ORMDL3: variants seen among roughly 807,000 people sequenced by gnomAD.
The protein encoded by ORMDL3 is ORM1-like protein 3.
Under a neutral mutation model 12.6 loss-of-function variants are expected in ORMDL3, and 6 were observed. That is an observed-to-expected ratio of 0.48 (90% confidence interval 0.26 to 0.94). The LOEUF (loss-of-function observed/expected upper bound fraction) is 0.94. Ranked by LOEUF, ORMDL3 falls within the 40% of genes least tolerant of loss-of-function variation. ORMDL3 has a pLI of 0.14. For missense variants in ORMDL3, 159 were observed against 205.5 expected (o/e 0.77, Z 1.38); for synonymous variants, 99 against 87.2 (o/e 1.14, Z -0.75).
intron 2 of ORMDL3, among the ~76,000 whole-genome samples, chr17:39,923,680 G>A (rs976868351): frequency 3.9e-5 from 6 of 152,134 alleles, no homozygotes; most frequent in African/African-American, 1.2e-4. Context: ...CTTGAGAAAG[G>A]GGCATTTCTG....
intron 2 of ORMDL3, 90 bp downstream of exon 2, chr17:39,923,940 C>T: frequency 7.4e-7 from 1 of 1,349,320 alleles, no homozygotes; most frequent in Non-Finnish European, 9.9e-7. Flanking sequence ...TGGGCCAGGC[C>T]CGACAGGCTC....
intron 3 of ORMDL3, 70 bp from the exon 4 acceptor site, chr17:39,922,755 G>C: frequency 6.5e-7 from 1 of 1,541,258 alleles, no homozygotes; most frequent in Non-Finnish European, 8.8e-7. Context: ...CACTTCCTGG[G>C]AGGGGAAAGG....
intron 1 of ORMDL3, chr17:39,926,728 A>C (rs1978447447): frequency 1.1e-6 from 1 of 944,528 alleles, no homozygotes; most frequent in Non-Finnish European, 1.3e-6. Flanking sequence ...CCAGACACTC[A>C]AGCCAAGGCT....
intron 2 of ORMDL3, 36 bp downstream of exon 2, chr17:39,923,994 G>T: frequency 6.4e-7 from 1 of 1,554,108 alleles, no homozygotes; most frequent in South Asian, 1.2e-5. Context: ...ACAGGGCAGG[G>T]GCAGGGGCAG....
rs776006176 is a variant in ORMDL3, at chr17:39,924,053, G to C, written c.151C>G (p.Leu51Val). 5 of 1,610,324 alleles carry C rather than the reference G, an allele frequency of 3.1e-6. No individual in the cohort carries two copies. In the South Asian group the frequency reaches 4.4e-5, roughly 14 times the overall value. ...ACCATGTTGTGAATGAGGTTGGTGA[G>C]GGTCCAGACGACAGGGACACTCACA... is the stretch of plus-strand genomic sequence containing the variant. ...PFVSVPVVWT[L>V]TNLIHNMGMY... Residue 51 changes from leucine to valine, a missense_variant, in exon 2 of 4, where the codon CTC (leucine) becomes GTC (valine). Leu to Val is a conservative substitution (Grantham distance 32, BLOSUM62 1). Transcript: ENST00000304046.
rs952214033 is a variant in ORMDL3, at chr17:39,927,439, GC to G, written c.-23+44del. 2,885 of 981,782 alleles carry G rather than the reference GC, an allele frequency of 2.9e-3. 3 individuals carry two copies. The highest frequency in any genetic ancestry group is 3.3e-3 in the Non-Finnish European group (2,742 of 828,954). 60.8% of individuals were successfully genotyped at this position (981,782 alleles called of 1,614,324 possible). A position where few individuals can be genotyped will look rare whatever the true frequency, so the allele number is the denominator to read the frequency against. On this transcript the variant is annotated intron_variant, in intron 1 of 3. Coordinates refer to ENST00000304046, the MANE Select transcript of ORMDL3 (RefSeq NM_139280.4). ...CCCAGCAGCCCCCACCTTCTCTCCC[GC>G]CCCTCCCGTAGCCCTGGGGCCTCTT...
At chr17:39,923,716 G>A (rs1303458990) in intron 2 of ORMDL3, among the ~76,000 whole-genome samples, 3 of 152,116 alleles carry the variant, frequency 2.0e-5, no homozygotes, top group South Asian at 2.1e-4. Context: ...CAGGACTCTC[G>A]GGTCCTGGGA....
Position 39,923,129 on chromosome 17 carries a change from G to A in ORMDL3, c.309C>T (p.Thr103=). 2 of 1,614,210 alleles carry A rather than the reference G, an allele frequency of 1.2e-6. No homozygotes were observed. The highest frequency in any genetic ancestry group is 1.1e-5 in the South Asian group (1 of 91,084). The change falls in exon 3 of 4, where the codon ACC becomes ACT. Residue 103 remains threonine, a synonymous_variant. Transcript: ENST00000304046. The part of the protein sequence containing the change: ...VQFTASRKFL[T]ITPIVLYFLT... ...GCACTCACAGCACGATGGGTGTGAT[G>A]GTCAAGAACTTCCGAGAGGCCGTGA... is the stretch of plus-strand genomic sequence containing the variant.
intron 2 of ORMDL3, among the ~76,000 whole-genome samples, chr17:39,923,681 G>A (rs753202076): frequency 2.7e-4 from 41 of 152,128 alleles, no homozygotes; most frequent in Non-Finnish European, 5.3e-4. Flanking sequence ...TTGAGAAAGG[G>A]GCATTTCTGT....
chr17:39,927,165 C>T, intron 1 of ORMDL3: 1 of 287,742 alleles, frequency 3.5e-6, no homozygotes, highest in Non-Finnish European at 5.2e-6. Context: ...GAACCCGGTC[C>T]GGTCCGGGAC....
Position 39,923,273 on chromosome 17 carries a change from G to A in ORMDL3, c.175-10C>T, listed in dbSNP as rs1168721798. On this transcript the variant is annotated splice_polypyrimidine_tract_variant and intron_variant, in intron 2 of 3. Transcript: ENST00000304046. ...GGAAGATATACATGCCCTGGAGGAA[G>A]AAGTCTTTGTTAGAGGATACAAAAG... 1.2e-6 allele frequency: 2 copies of A among 1,614,034 alleles called. No individual in the cohort carries two copies. Among genetic ancestry groups the A allele is most frequent in the East Asian group, 2.2e-5 (1 of 44,892 alleles).
rs1978450882 is a variant in ORMDL3, at chr17:39,926,777, T to A, written c.-23+707A>T. On this transcript the variant is annotated intron_variant, in intron 1 of 3. Transcript: ENST00000304046. ...GCAGCCACCAGGTGAGCCCTTCCCA[T>A]TCCCTCCCCCAGGAAAGAGCAGCCC... The A allele has an allele frequency of 3.0e-6, 3 of 985,386 alleles. No individual in the cohort carries two copies. In the South Asian group the frequency reaches 1.4e-4, roughly 46 times the overall value. 61.0% of individuals were successfully genotyped at this position (985,386 alleles called of 1,614,324 possible).
rs1978303803 is a variant in ORMDL3 at position 39,922,538 on chromosome 17, G to A, written c.*12C>T. On this transcript the variant is annotated 3_prime_UTR_variant, in exon 4 of 4. Coordinates refer to ENST00000304046, the MANE Select transcript of ORMDL3 (RefSeq NM_139280.4). ...TCCCCTGCCACCCTGGGCAGGGGAA[G>A]GGGCTGCACTCTCAGTACTTATTGA... is the stretch of plus-strand genomic sequence containing the variant. The A allele has an allele frequency of 6.2e-7, 1 of 1,612,610 alleles. No homozygotes were observed. Among genetic ancestry groups the A allele is most frequent in the Admixed American group, 1.7e-5 (1 of 59,840 alleles).
At chr17:39,924,584 C>T (rs898597098) in intron 1 of ORMDL3, among the ~76,000 whole-genome samples, 3 of 152,156 alleles carry the variant, frequency 2.0e-5, no homozygotes, top group Non-Finnish European at 2.9e-5. Context: ...GCCGACAAAG[C>T]CCCAGGGAGA....
chr17:39,924,268 C>T, intron 1 of ORMDL3, 43 bp from the exon 2 acceptor site: 1 of 1,513,890 alleles, frequency 6.6e-7, no homozygotes, highest in Non-Finnish European at 8.9e-7. Context: ...CACTGCTTTC[C>T]CTGCCCCCTC....
chr17:39,926,915 C>T (rs1978459372), intron 1 of ORMDL3: 3 of 985,872 alleles, frequency 3.0e-6, no homozygotes, highest in Non-Finnish European at 2.4e-6. Context: ...GTCCATTCCG[C>T]CCACCCCCCA....
At chr17:39,927,021 C>T (rs554669347) in intron 1 of ORMDL3, 1 of 982,988 alleles carries the variant, frequency 1.0e-6, no homozygotes, top group Admixed American at 6.1e-5. Flanking sequence ...CCAGGCGAAC[C>T]CGCACTAAGC....
Position 39,922,494 on chromosome 17 carries a change from A to G in ORMDL3, c.*56T>C, listed in dbSNP as rs189127887. 1.0e-4 allele frequency: 159 copies of G among 1,566,610 alleles called. 1 individual carries two copies. The African/African-American group carries it at 1.9e-3, about 19-fold the overall frequency. ...CTTTCTGTCTTCAGTGTTGCAGCAC[A>G]TGCCTTTTACCCTACCCCTCCCCTG... On this transcript the variant is annotated 3_prime_UTR_variant, in exon 4 of 4. Coordinates refer to ENST00000304046, the MANE Select transcript of ORMDL3 (RefSeq NM_139280.4).
At chr17:39,922,710 A>AT in intron 3 of ORMDL3, 25 bp from the exon 4 acceptor site, 1 of 1,610,252 alleles carries the variant, frequency 6.2e-7, no homozygotes, top group South Asian at 1.1e-5. Context: ...GTGGGGAGAG[A>AT]TATAAAAGAC....
Sources: allele counts gnomAD v4.1 joint callset (sites outside exome capture counted in the v4.1 genomes callset), GRCh38; gene constraint gnomAD v4.1.1; transcripts MANE v1.5; gene names NCBI Gene and HGNC (gene_info 2026-07-23, HGNC 2026-07-21).